Variants in C1orf21 observed in about 807,000 individuals in gnomAD.
The protein encoded by C1orf21 is chromosome 1 open reading frame 21.
A neutral mutation model predicts 18.7 loss-of-function variants in C1orf21; 3 were observed. That is an observed-to-expected ratio of 0.16 (90% CI 0.07 to 0.42). The LOEUF is 0.42. Among genes scored for constraint, C1orf21 ranks in the 10% least tolerant of loss-of-function variants. The probability of loss-of-function intolerance (pLI) is 0.99; values close to 1 mark genes in which losing one functional copy is unlikely to be tolerated. For missense variants in C1orf21, 104 were observed against 143.6 expected, an observed-to-expected ratio of 0.72 and a Z score of 1.41; for synonymous variants, 41 against 46.4, an observed-to-expected ratio of 0.88 and a Z score of 0.47.
intron 3 of C1orf21, among the ~76,000 whole-genome samples, chr1:184,525,756 C>T (rs983860576): frequency 1.3e-5 from 2 of 152,150 alleles, no homozygotes; most frequent in Non-Finnish European, 2.9e-5. Context: ...GCATTTAAAA[C>T]ACAAGGATTT....
intron 1 of C1orf21, among the ~76,000 whole-genome samples, chr1:184,460,694 T>G (rs1657294699): frequency 6.8e-6 from 1 of 146,784 alleles, no homozygotes; most frequent in Non-Finnish European, 1.5e-5. Flanking sequence ...TCTTTCTTCT[T>G]TCTTTTTTTC....
At chr1:184,394,984 C>T (rs1334935030) in intron 1 of C1orf21, among the ~76,000 whole-genome samples, 1 of 152,106 alleles carries the variant, frequency 6.6e-6, no homozygotes, top group African/African-American at 2.4e-5. Flanking sequence ...CCCCAACACC[C>T]ACCCCTGCCT....
rs143973283 is a variant in C1orf21, at chr1:184,574,147, G to A, written c.190-16592G>A. Reference sequence around the variant, plus strand: ...TTGAACTCAGGAGGTGGAGATTGCCGTGAGCTGAGATCACGCCACTGCACT... The same window carrying A: ...TTGAACTCAGGAGGTGGAGATTGCCATGAGCTGAGATCACGCCACTGCACT... On this transcript the variant is annotated intron_variant, in intron 3 of 5. Coordinates refer to ENST00000235307, the MANE Select transcript of C1orf21 (RefSeq NM_030806.4). Among the ~76,000 whole-genome samples, 937 of 152,300 alleles carry A rather than the reference G, an allele frequency of 6.2e-3. 7 individuals are homozygous for A. Among genetic ancestry groups the A allele is most frequent in the African/African-American group, 0.021 (887 of 41,570 alleles).
chr1:184,617,178 C>A (rs1378519513), intron 5 of C1orf21, among the ~76,000 whole-genome samples: 1 of 152,188 alleles, frequency 6.6e-6, no homozygotes, highest in Non-Finnish European at 1.5e-5. Context: ...GACCATAACC[C>A]TATGGGATGG....
intron 1 of C1orf21, among the ~76,000 whole-genome samples, chr1:184,443,861 G>A (rs972567839): frequency 2.0e-5 from 3 of 152,152 alleles, no homozygotes; most frequent in Admixed American, 6.5e-5. Context: ...ACTGTTTAGA[G>A]CCTCCTGTCC....
intron 3 of C1orf21, among the ~76,000 whole-genome samples, chr1:184,538,415 T>G (rs7533466): frequency 0.51 from 77,458 of 151,946 alleles, 20,169 homozygotes; most frequent in African/African-American, 0.64. Flanking sequence ...TTCCGTAGGT[T>G]GCCTTTTTAT....
At chr1:184,443,080 G>T (rs1656972266) in intron 1 of C1orf21, among the ~76,000 whole-genome samples, 1 of 152,224 alleles carries the variant, frequency 6.6e-6, no homozygotes, top group Non-Finnish European at 1.5e-5. Context: ...GGTGACCAAA[G>T]CAGCTAAATA....
chr1:184,576,000 G>C (rs1222556019), intron 3 of C1orf21, among the ~76,000 whole-genome samples: 1 of 152,176 alleles, frequency 6.6e-6, no homozygotes, highest in Non-Finnish European at 1.5e-5. Context: ...GGGAGACGGG[G>C]ACAGAGGGCA....
intron 2 of C1orf21, among the ~76,000 whole-genome samples, chr1:184,492,605 T>C (rs968467468): frequency 6.6e-6 from 1 of 152,240 alleles, no homozygotes; most frequent in Non-Finnish European, 1.5e-5. Context: ...ATATCTTCTG[T>C]AGCTTCAGAA....
chr1:184,523,051 T>G (rs1658327027), intron 3 of C1orf21, among the ~76,000 whole-genome samples: 1 of 152,238 alleles, frequency 6.6e-6, no homozygotes, highest in Non-Finnish European at 1.5e-5. Flanking sequence ...CTGATGTAAA[T>G]GATTGAATAA....
chr1:184,548,820 C>T (rs1463372301), intron 3 of C1orf21, among the ~76,000 whole-genome samples: 3 of 152,114 alleles, frequency 2.0e-5, no homozygotes. Context: ...GACTTTTCAA[C>T]AGTAAAAGTC....
Position 184,479,271 on chromosome 1 carries a change from C to T in C1orf21, c.94+1668C>T, listed in dbSNP as rs540319455. Among the ~76,000 whole-genome samples the T allele has an allele frequency of 4.6e-5, 7 of 152,228 alleles. 1 individual carries two copies. Among genetic ancestry groups the T allele is most frequent in the East Asian group, 3.9e-4 (2 of 5,184 alleles). ...TAGAGTCATTACTGTCATCCTGAAA[C>T]GCTTGACTTTTAAGAGAAAATAATC... is the stretch of plus-strand genomic sequence containing the variant. On this transcript the variant is annotated intron_variant, in intron 2 of 5. Coordinates refer to ENST00000235307, the MANE Select transcript of C1orf21 (RefSeq NM_030806.4).
chr1:184,572,950 C>CAA (rs35275397), intron 3 of C1orf21, among the ~76,000 whole-genome samples: 3 of 131,846 alleles, frequency 2.3e-5, no homozygotes, highest in Non-Finnish European at 1.7e-5. Flanking sequence ...GACTCCTTCT[C>CAA]AAAAAAAAAA....
chr1:184,511,739 G>A (rs757488982), intron 3 of C1orf21, among the ~76,000 whole-genome samples: 4 of 152,162 alleles, frequency 2.6e-5, no homozygotes, highest in Non-Finnish European at 5.9e-5. Context: ...GCATGGCTGG[G>A]GAGGCCTCAG....
intron 5 of C1orf21, among the ~76,000 whole-genome samples, chr1:184,607,110 A>T (rs952029816): frequency 2.4e-4 from 37 of 152,016 alleles, no homozygotes; most frequent in Non-Finnish European, 4.9e-4. Flanking sequence ...ACACTTCTAG[A>T]CTCCCCTCAC....
intron 2 of C1orf21, among the ~76,000 whole-genome samples, chr1:184,503,313 G>C (rs890798357): frequency 6.6e-6 from 1 of 151,936 alleles, no homozygotes; most frequent in Admixed American, 6.6e-5. Context: ...TATCGTTCAG[G>C]GACTTCCTGA....
At chr1:184,410,623 A>ATTT (rs1387000399) in intron 1 of C1orf21, among the ~76,000 whole-genome samples, 2 of 3,670 alleles carry the variant, frequency 5.4e-4, no homozygotes, top group African/African-American at 0.011. Context: ...TATATTATAT[A>ATTT]TATATATATA....
intron 1 of C1orf21, among the ~76,000 whole-genome samples, chr1:184,474,322 T>A (rs1395671383): frequency 6.6e-6 from 1 of 152,162 alleles, no homozygotes; most frequent in African/African-American, 2.4e-5. Context: ...GAGTCATCAT[T>A]TGAATTGGGT....
At chr1:184,410,646 T>TA (rs1268097790) in intron 1 of C1orf21, among the ~76,000 whole-genome samples, 1 of 5,828 alleles carries the variant, frequency 1.7e-4, no homozygotes, top group African/African-American at 3.8e-3. Flanking sequence ...TATATATATA[T>TA]ATATATATAT....
Sources: allele counts gnomAD v4.1 joint callset (sites outside exome capture counted in the v4.1 genomes callset), GRCh38; gene constraint gnomAD v4.1.1; transcripts MANE v1.5; gene names NCBI Gene and HGNC (gene_info 2026-07-23, HGNC 2026-07-21).